Variants in CIMAP2 observed in about 807,000 individuals in gnomAD.
CIMAP2 encodes ciliary microtubule associated protein 2, also known as ciliary microtubule-associated protein 2.
chr1:54,832,110 G>GT, the CIMAP2 span, among the ~76,000 whole-genome samples: 2 of 152,344 alleles, frequency 1.3e-5, no homozygotes, highest in Middle Eastern at 3.4e-3. Flanking sequence ...CTTCCAAAGT[G>GT]TTGGAATTAC....
the CIMAP2 span, chr1:54,811,768 T>TGGGGGCCCCCCCCCCCCCCC: frequency 1.9e-6 from 1 of 533,354 alleles, no homozygotes; most frequent in Non-Finnish European, 3.7e-6. Context: ...TCTGACAGCC[T>TGGGGGCCCCCCCCCCCCCCC]CCATGCCCCC....
the CIMAP2 span, among the ~76,000 whole-genome samples, chr1:54,822,190 G>A: frequency 2.0e-5 from 3 of 151,558 alleles, no homozygotes; most frequent in East Asian, 1.9e-4. Context: ...GAGCCACCGC[G>A]CCCGGCCTTA....
the CIMAP2 span, among the ~76,000 whole-genome samples, chr1:54,841,355 C>A: frequency 4.6e-5 from 7 of 152,102 alleles, no homozygotes; most frequent in Admixed American, 3.9e-4. Flanking sequence ...AGGTTGAGTC[C>A]TCAGGGTTTC....
the CIMAP2 span, chr1:54,814,908 T>A: frequency 6.2e-7 from 1 of 1,614,070 alleles, no homozygotes; most frequent in Non-Finnish European, 8.5e-7. Flanking sequence ...CCTTCCTTAC[T>A]CGTAGGCCAC....
At chr1:54,813,220 C>T in the CIMAP2 span, among the ~76,000 whole-genome samples, 2 of 152,066 alleles carry the variant, frequency 1.3e-5, no homozygotes, top group African/African-American at 4.8e-5. Flanking sequence ...TACCCACTGC[C>T]CTCTCCACAC....
At chr1:54,810,510 G>A in the CIMAP2 span, among the ~76,000 whole-genome samples, 1 of 152,116 alleles carries the variant, frequency 6.6e-6, no homozygotes, top group African/African-American at 2.4e-5. Context: ...CATTCCTCTG[G>A]GAGCGAACAA....
chr1:54,811,702 T>A, the CIMAP2 span: 1 of 1,421,524 alleles, frequency 7.0e-7, no homozygotes, highest in Non-Finnish European at 9.8e-7. Context: ...ATTCCCTTCT[T>A]GGGGATGGCA....
the CIMAP2 span, among the ~76,000 whole-genome samples, chr1:54,806,759 G>T: frequency 7.2e-6 from 1 of 139,312 alleles, no homozygotes; most frequent in East Asian, 2.5e-4. Flanking sequence ...TAAAACCTTG[G>T]GTATTGGTAA....
At chr1:54,817,029 T>G in the CIMAP2 span, 43 of 1,614,056 alleles carry the variant, frequency 2.7e-5, no homozygotes, top group Middle Eastern at 1.6e-4. Context: ...ACCTGGCTGA[T>G]GGAGACAAAG....
At chr1:54,836,650 C>T in the CIMAP2 span, among the ~76,000 whole-genome samples, 1 of 151,982 alleles carries the variant, frequency 6.6e-6, no homozygotes, top group Non-Finnish European at 1.5e-5. Context: ...GCATCAGGTA[C>T]ATGAAGGAGG....
At chr1:54,834,362 AAATGGGCCAGG>A in the CIMAP2 span, among the ~76,000 whole-genome samples, 2 of 152,212 alleles carry the variant, frequency 1.3e-5, no homozygotes, top group African/African-American at 4.8e-5. Context: ...TTAATTAATA[AAATGGGCCAGG>A]ATCTGATAAC....
the CIMAP2 span, among the ~76,000 whole-genome samples, chr1:54,838,501 C>G: frequency 7.3e-5 from 11 of 151,320 alleles, no homozygotes; most frequent in African/African-American, 2.7e-4. Flanking sequence ...AAAAAATCAT[C>G]TCTCATGGGC....
chr1:54,821,119 A>T, the CIMAP2 span, among the ~76,000 whole-genome samples: 2 of 152,142 alleles, frequency 1.3e-5, no homozygotes, highest in African/African-American at 4.8e-5. Context: ...TTCCTTGAAT[A>T]TTCTGGATAT....
the CIMAP2 span, chr1:54,807,767 TCA>T: frequency 6.6e-7 from 1 of 1,515,114 alleles, no homozygotes. Flanking sequence ...TGTGTGGCCT[TCA>T]GTGTCCTCCC....
chr1:54,812,874 A>G, the CIMAP2 span, among the ~76,000 whole-genome samples: 1 of 152,206 alleles, frequency 6.6e-6, no homozygotes, highest in Non-Finnish European at 1.5e-5. Context: ...TGAATAAGAA[A>G]AAAATTATCG....
the CIMAP2 span, among the ~76,000 whole-genome samples, chr1:54,810,957 A>G: frequency 6.6e-6 from 1 of 152,028 alleles, no homozygotes; most frequent in African/African-American, 2.4e-5. Context: ...TGGCCCGTCC[A>G]TGCTCTGTCT....
At chr1:54,831,428 G>A in the CIMAP2 span, among the ~76,000 whole-genome samples, 13 of 152,060 alleles carry the variant, frequency 8.5e-5, no homozygotes, top group African/African-American at 2.4e-4. Flanking sequence ...TGAGGCAGGT[G>A]GATCACCTGA....
the CIMAP2 span, among the ~76,000 whole-genome samples, chr1:54,840,305 T>C: frequency 6.6e-6 from 1 of 152,230 alleles, no homozygotes; most frequent in Admixed American, 6.5e-5. Flanking sequence ...TGTTGTTGTG[T>C]GTATCACAGT....
At chr1:54,807,549 C>T in the CIMAP2 span, 9 of 1,587,098 alleles carry the variant, frequency 5.7e-6, no homozygotes, top group African/African-American at 1.2e-4. Flanking sequence ...CTGGGACTTA[C>T]AGCTCCAAAG....
Sources: allele counts gnomAD v4.1 joint callset (sites outside exome capture counted in the v4.1 genomes callset), GRCh38; gene constraint gnomAD v4.1.1; transcripts MANE v1.5; gene names NCBI Gene and HGNC (gene_info 2026-07-23, HGNC 2026-07-21).